IFI27: variants seen among roughly 807,000 people sequenced by gnomAD.
The protein encoded by IFI27 is interferon alpha inducible protein 27.
In IFI27, 3 loss-of-function variants were observed where a neutral mutation model predicts 8.9. That is an observed-to-expected ratio of 0.34 (90% CI 0.15 to 0.87). The LOEUF is 0.87. Among genes scored for constraint, IFI27 ranks in the 40% least tolerant of loss-of-function variants. IFI27 has a pLI of 0.51. For synonymous variants in IFI27, 66 were observed against 67.3 expected (o/e 0.98, Z 0.09); for missense variants, 152 against 157.7 (o/e 0.96, Z 0.19).
At chr14:94,114,748 A>C in intron 2 of IFI27, 103 bp from the exon 3 acceptor site, 2 of 1,277,522 alleles carry the variant, frequency 1.6e-6, no homozygotes, top group Non-Finnish European at 1.1e-6. Context: ...TGTGGCTCCC[A>C]ACCTGGGGCA....
chr14:94,113,776 C>A (rs79880372), intron 2 of IFI27: 3,035 of 152,388 alleles, frequency 0.02, 51 homozygotes, highest in Non-Finnish European at 0.032. Context: ...GTTATCCATT[C>A]CTGATTCCCT....
upstream of IFI27, chr14:94,105,926 A>T (rs1887008959): frequency 6.6e-6 from 1 of 152,190 alleles, no homozygotes; most frequent in Non-Finnish European, 1.5e-5. Context: ...TGGGTATGCA[A>T]ATATCTCTTT....
chr14:94,114,697 C>T (rs906986881), intron 2 of IFI27, 154 bp from the exon 3 acceptor site: 18 of 706,772 alleles, frequency 2.5e-5, no homozygotes, highest in African/African-American at 1.2e-4. Flanking sequence ...TTCCACTTCC[C>T]GAAATGAAGC....
chr14:94,115,571 T>C (rs1419620729), intron 3 of IFI27: 3 of 614,534 alleles, frequency 4.9e-6, no homozygotes, highest in Non-Finnish European at 5.7e-6. Context: ...CCCAGAGCCC[T>C]GTGCCCAGTG....
intron 3 of IFI27, 91 bp from the exon 4 acceptor site, chr14:94,115,690 C>G (rs1887362863): frequency 7.4e-7 from 1 of 1,346,398 alleles, no homozygotes; most frequent in African/African-American, 1.5e-5. Flanking sequence ...ACCTCTTTCT[C>G]CAGATCCCCT....
Position 94,111,638 on chromosome 14 carries a change from T to G in IFI27, c.-45T>G. On this transcript the variant is annotated 5_prime_UTR_variant, in exon 2 of 5. Coordinates refer to ENST00000621160, the Ensembl canonical transcript of IFI27. The surrounding 1 kb of genome is among the most constrained non-coding windows in gnomAD (Gnocchi z 4.3). ...TCCCTTCGGCAGGTCTGGCTGAAGT[T>G]GAGGATCTCTTACTCTCTAGGCCAC... 5.3e-6 allele frequency: 8 copies of G among 1,523,732 alleles called. No homozygotes were observed. The highest frequency in any genetic ancestry group is 7.3e-6 in the Non-Finnish European group (8 of 1,097,838). The allele number at this position is 1,523,732 out of a possible 1,614,324, so 94.4% of individuals were successfully genotyped here.
chr14:94,115,978 T>C (rs1259196116), intron 4 of IFI27, 36 bp downstream of exon 4: 5 of 1,548,670 alleles, frequency 3.2e-6, no homozygotes, highest in Non-Finnish European at 4.4e-6. Flanking sequence ...GGGAGGGCGA[T>C]GAGGAGGGCA....
At chr14:94,113,109 G>A (rs1887254077) in intron 2 of IFI27, 1 of 152,220 alleles carries the variant, frequency 6.6e-6, no homozygotes, top group Admixed American at 6.5e-5. Flanking sequence ...TACCAACTGG[G>A]ACAATTTACT....
rs1439831455 is a variant in IFI27 at position 94,116,052 on chromosome 14, C to T, written c.283+110C>T. On this transcript the variant is annotated intron_variant, in intron 4 of 4. Coordinates refer to ENST00000621160, the Ensembl canonical transcript of IFI27. This position sits in a 1 kb window ranked among gnomAD's most constrained non-coding sequence, Gnocchi z 4.3. ...AACCTCAATCTCCCTGTTCCTCTGT[C>T]TCTCTCTACACATTCTCTCAGGGTT... 1 of 1,112,820 alleles carries T rather than the reference C, an allele frequency of 9.0e-7. No homozygotes were observed. The highest frequency in any genetic ancestry group is 1.3e-6 in the Non-Finnish European group (1 of 757,776). The allele number at this position is 1,112,820 out of a possible 1,614,324, so 68.9% of individuals were successfully genotyped here. A position where few individuals can be genotyped will look rare whatever the true frequency, so the allele number is the denominator to read the frequency against.
chr14:94,112,310 G>A (rs1197715933), intron 2 of IFI27: 1 of 158,570 alleles, frequency 6.3e-6, no homozygotes. Context: ...TATTTAATGT[G>A]TGTCTGTTTT....
Position 94,111,891 on chromosome 14 carries a change from G to A in IFI27, c.91+118G>A, listed in dbSNP as rs1241999279. The A allele has an allele frequency of 2.4e-6, 2 of 824,950 alleles. No individual in the cohort carries two copies. The highest frequency in any genetic ancestry group is 4.1e-6 in the Non-Finnish European group (2 of 483,834). 51.1% of individuals were successfully genotyped at this position (824,950 alleles called of 1,614,324 possible). A position where few individuals can be genotyped will look rare whatever the true frequency, so the allele number is the denominator to read the frequency against. ...GGGACACCCGCAGCCTTGCTGCCCT[G>A]TCCTGTCTTCTCACAGCAGGCGTCC... On this transcript the variant is annotated intron_variant, in intron 2 of 4. Coordinates refer to ENST00000621160, the Ensembl canonical transcript of IFI27. The surrounding 1 kb of genome is among the most constrained non-coding windows in gnomAD (Gnocchi z 4.3).
At position 94,116,200 on chromosome 14, in the gene IFI27, C is replaced by T. The variant is rs906809519; in HGVS notation, c.284-242C>T. The T allele has an allele frequency of 1.5e-6, 1 of 683,900 alleles. No individual in the cohort carries two copies. Among genetic ancestry groups the T allele is most frequent in the Non-Finnish European group, 2.6e-6 (1 of 377,664 alleles). The allele number at this position is 683,900 out of a possible 1,614,324, so 42.4% of individuals were successfully genotyped here. ...GCGTCTCCTCCCCTCTGGGGTGCAGCCTCCTTCCCTGAAGAGCGAGGCTGC... is the reference window on the plus strand; with the variant it reads ...GCGTCTCCTCCCCTCTGGGGTGCAGTCTCCTTCCCTGAAGAGCGAGGCTGC... On this transcript the variant is annotated intron_variant, in intron 4 of 4. Coordinates refer to ENST00000621160, the Ensembl canonical transcript of IFI27. This position sits in a 1 kb window ranked among gnomAD's most constrained non-coding sequence, Gnocchi z 4.3.
intron 3 of IFI27, chr14:94,115,383 A>G (rs997768647): frequency 1.9e-6 from 1 of 528,294 alleles, no homozygotes; most frequent in Non-Finnish European, 3.6e-6. Flanking sequence ...GCCGCTCTGA[A>G]TGTGCCTCTT....
At position 94,116,476 on chromosome 14, in the gene IFI27, C is replaced by T; in HGVS notation, c.318C>T (p.Ile106=). 1 of 1,613,542 alleles carries T rather than the reference C, an allele frequency of 6.2e-7. No homozygotes were observed. Among genetic ancestry groups the T allele is most frequent in the Non-Finnish European group, 8.5e-7 (1 of 1,179,810 alleles). Residue 106 remains isoleucine, a synonymous_variant, in exon 5 of 5, where the codon ATC becomes ATT. Transcript: ENST00000621160. This position sits in a 1 kb window ranked among gnomAD's most constrained non-coding sequence, Gnocchi z 4.3. ...GACTCTCCGGATTGACCAAGTTCAT[C>T]CTGGGCTCCATTGGGTCTGCCATTG...
Position 94,111,590 on chromosome 14 carries a change from C to T in IFI27, c.-58-35C>T. 2 of 1,005,966 alleles carry T rather than the reference C, an allele frequency of 2.0e-6. No homozygotes were observed. Among genetic ancestry groups the T allele is most frequent in the Non-Finnish European group, 3.1e-6 (2 of 636,702 alleles). The allele number at this position is 1,005,966 out of a possible 1,614,324, so 62.3% of individuals were successfully genotyped here. ...AGTGGGAAGCAAGTCAGGTTGTGTG[C>T]CCATCCCGTCCTCAGAGCTCCATCC... On this transcript the variant is annotated intron_variant, in intron 1 of 4. Transcript: ENST00000621160. The surrounding 1 kb of genome is among the most constrained non-coding windows in gnomAD (Gnocchi z 4.3).
chr14:94,108,172 CT>C (rs541910966), upstream of IFI27, among the ~76,000 whole-genome samples: 211 of 152,294 alleles, frequency 1.4e-3, no homozygotes, highest in Middle Eastern at 0.01. Context: ...ATGAACTCAT[CT>C]TTTTTTATGG....
At position 94,116,036 on chromosome 14, in the gene IFI27, C is replaced by A. The variant is rs1422214403; in HGVS notation, c.283+94C>A. On this transcript the variant is annotated intron_variant, in intron 4 of 4. Coordinates refer to ENST00000621160, the Ensembl canonical transcript of IFI27. This position sits in a 1 kb window ranked among gnomAD's most constrained non-coding sequence, Gnocchi z 4.3. Reference sequence around the variant, plus strand: ...CAATCTCAACCCTATGAACCTCAATCTCCCTGTTCCTCTGTCTCTCTCTAC... The same window carrying A: ...CAATCTCAACCCTATGAACCTCAATATCCCTGTTCCTCTGTCTCTCTCTAC... The A allele has an allele frequency of 3.4e-6, 4 of 1,182,874 alleles. No individual in the cohort carries two copies. Among genetic ancestry groups the A allele is most frequent in the Non-Finnish European group, 3.7e-6 (3 of 820,132 alleles). 73.3% of individuals were successfully genotyped at this position (1,182,874 alleles called of 1,614,324 possible). A position where few individuals can be genotyped will look rare whatever the true frequency, so the allele number is the denominator to read the frequency against.
Position 94,111,756 on chromosome 14 carries a change from C to G in IFI27, c.74C>G (p.Ala25Gly). 6.2e-7 allele frequency: 1 copy of G among 1,614,030 alleles called. No homozygotes were observed. The highest frequency in any genetic ancestry group is 8.5e-7 in the Non-Finnish European group (1 of 1,179,884). The change falls in exon 2 of 5, where the codon GCC becomes GGC. Residue 25 changes from alanine to glycine, a missense_variant. Ala to Gly is a moderately conservative substitution (Grantham distance 60, BLOSUM62 0). Coordinates refer to ENST00000621160, the Ensembl canonical transcript of IFI27. The surrounding 1 kb of genome is among the most constrained non-coding windows in gnomAD (Gnocchi z 4.3). ...GTGGTCAGGGTGGCCTCTGGCTCTG[C>G]CGTAGTTTTGCCCCTGGGTGAGTGT...
chr14:94,109,362 G>C (rs10137402), upstream of IFI27, among the ~76,000 whole-genome samples: 54,143 of 143,690 alleles, frequency 0.38, 11,080 homozygotes, highest in African/African-American at 0.52. Flanking sequence ...GCAGGGAAGG[G>C]CAGAGAAGGG....
Sources: allele counts gnomAD v4.1 joint callset (sites outside exome capture counted in the v4.1 genomes callset), GRCh38; gene constraint gnomAD v4.1.1; non-coding constraint Gnocchi (gnomAD v3.1); transcripts MANE v1.5; gene names NCBI Gene and HGNC (gene_info 2026-07-23, HGNC 2026-07-21).